The following UBE2E2 variants were observed in gnomAD, a reference collection of about 807,000 sequenced individuals.
UBE2E2 encodes the protein ubiquitin conjugating enzyme E2 E2.
UBE2E2 carries 6 observed loss-of-function variants against 24.7 expected under a neutral mutation model. The ratio of observed to expected loss-of-function variants is 0.24; its 90% confidence interval spans 0.13 to 0.48. The LOEUF (loss-of-function observed/expected upper bound fraction) is 0.48. Among genes scored for constraint, UBE2E2 ranks in the 20% least tolerant of loss-of-function variants. The pLI is 0.99. For synonymous variants in UBE2E2, 104 were observed against 83.6 expected, an observed-to-expected ratio of 1.24 and a Z score of -1.33; for missense variants, 169 against 245.0, an observed-to-expected ratio of 0.69 and a Z score of 2.07.
chr3:23,564,098 C>G (rs1385008637), intron 5 of UBE2E2, among the ~76,000 whole-genome samples: 1 of 151,766 alleles, frequency 6.6e-6, no homozygotes, highest in Non-Finnish European at 1.5e-5. Flanking sequence ...GTTATTTAAG[C>G]AGGGAAAACA....
intron 3 of UBE2E2, among the ~76,000 whole-genome samples, chr3:23,254,651 A>T (rs1241914788): frequency 6.6e-6 from 1 of 152,166 alleles, no homozygotes; most frequent in Non-Finnish European, 1.5e-5. Flanking sequence ...GTGTTGTTCT[A>T]ATGGAAATTA....
intron 3 of UBE2E2, among the ~76,000 whole-genome samples, chr3:23,271,657 G>GT (rs924382958): frequency 2.6e-5 from 4 of 152,148 alleles, no homozygotes; most frequent in Admixed American, 2.6e-4. Context: ...GCTGATTGGT[G>GT]TATTTACAAT....
chr3:23,484,505 C>G (rs771150838), intron 3 of UBE2E2, among the ~76,000 whole-genome samples: 1 of 152,046 alleles, frequency 6.6e-6, no homozygotes, highest in Admixed American at 6.6e-5. Flanking sequence ...GGAACAAATA[C>G]GTCTTACCTT....
chr3:23,427,984 G>C (rs1198349335), intron 3 of UBE2E2, among the ~76,000 whole-genome samples: 1 of 152,166 alleles, frequency 6.6e-6, no homozygotes, highest in Non-Finnish European at 1.5e-5. Context: ...AGAGACTTCA[G>C]GACCCCCTCT....
intron 5 of UBE2E2, among the ~76,000 whole-genome samples, chr3:23,547,980 C>T (rs1009252202): frequency 3.3e-5 from 5 of 152,092 alleles, no homozygotes; most frequent in African/African-American, 7.2e-5. Context: ...GTGTGAATAC[C>T]GGAGGGAAGA....
At chr3:23,233,108 G>T (rs1334793771) in intron 3 of UBE2E2, among the ~76,000 whole-genome samples, 1 of 152,204 alleles carries the variant, frequency 6.6e-6, no homozygotes, top group African/African-American at 2.4e-5. Context: ...GACTGTAGGG[G>T]TGCAGTGGAG....
chr3:23,227,654 T>A (rs931107404), intron 3 of UBE2E2, among the ~76,000 whole-genome samples: 3 of 152,194 alleles, frequency 2.0e-5, no homozygotes, highest in African/African-American at 4.8e-5. Flanking sequence ...TGGATAGACT[T>A]TTTGAAGACA....
At chr3:23,247,541 A>T (rs1006627679) in intron 3 of UBE2E2, among the ~76,000 whole-genome samples, 3 of 152,052 alleles carry the variant, frequency 2.0e-5, no homozygotes, top group Non-Finnish European at 4.4e-5. Flanking sequence ...TTTCAGTAGG[A>T]CGGGGTTTCT....
chr3:23,335,947 G>A lies in UBE2E2; in HGVS notation c.227+118635G>A, dbSNP rs562539949. On this transcript the variant is annotated intron_variant, in intron 3 of 5. Coordinates refer to ENST00000396703, the MANE Select transcript of UBE2E2 (RefSeq NM_152653.4). ...AAAATACTGATAACATAATAAGTAGGGTAAGCCTCCCCAGTGCCTCAAAAT... is the reference window on the plus strand; with the variant it reads ...AAAATACTGATAACATAATAAGTAGAGTAAGCCTCCCCAGTGCCTCAAAAT... Among the ~76,000 whole-genome samples the A allele has an allele frequency of 9.9e-5, 15 of 152,186 alleles. No individual in the cohort carries two copies. In the East Asian group the frequency reaches 2.5e-3, roughly 25 times the overall value.
At chr3:23,320,269 T>G (rs1380479151) in intron 3 of UBE2E2, among the ~76,000 whole-genome samples, 1 of 152,230 alleles carries the variant, frequency 6.6e-6, no homozygotes, top group African/African-American at 2.4e-5. Context: ...TGTTATTATC[T>G]CCAACTGGAT....
chr3:23,302,110 T>C (rs1417826761), intron 3 of UBE2E2, among the ~76,000 whole-genome samples: 2 of 152,162 alleles, frequency 1.3e-5, no homozygotes, highest in East Asian at 1.9e-4. Flanking sequence ...TTCTTGAGGC[T>C]TGGGCTCTCC....
chr3:23,385,876 C>G (rs938009399), intron 3 of UBE2E2, among the ~76,000 whole-genome samples: 2 of 152,172 alleles, frequency 1.3e-5, no homozygotes, highest in African/African-American at 4.8e-5. Flanking sequence ...ACAGCTTAGC[C>G]TGATACATAA....
intron 3 of UBE2E2, among the ~76,000 whole-genome samples, chr3:23,445,279 T>C (rs1471474507): frequency 1.3e-5 from 2 of 152,190 alleles, no homozygotes; most frequent in African/African-American, 4.8e-5. Flanking sequence ...GTTGACATGC[T>C]CCATTTTGGT....
At chr3:23,445,837 C>A (rs1232401357) in intron 3 of UBE2E2, among the ~76,000 whole-genome samples, 2 of 152,122 alleles carry the variant, frequency 1.3e-5, no homozygotes, top group Admixed American at 6.5e-5. Flanking sequence ...CATGCAAATT[C>A]TCTTAGGGCC....
intron 5 of UBE2E2, among the ~76,000 whole-genome samples, chr3:23,544,494 A>G (rs1178070656): frequency 6.6e-6 from 1 of 152,258 alleles, no homozygotes; most frequent in Non-Finnish European, 1.5e-5. Flanking sequence ...TTCAAGCTAC[A>G]ATGAAATTCA....
intron 3 of UBE2E2, among the ~76,000 whole-genome samples, chr3:23,441,391 T>A (rs1698300130): frequency 7.6e-6 from 1 of 132,406 alleles, no homozygotes; most frequent in Admixed American, 7.3e-5. Flanking sequence ...AAAAAAAAAT[T>A]AGCTGGGCAT....
chr3:23,420,077 A>G (rs112218011), intron 3 of UBE2E2, among the ~76,000 whole-genome samples: 167 of 152,344 alleles, frequency 1.1e-3, no homozygotes, highest in African/African-American at 3.7e-3. Context: ...GAGAGAGTCT[A>G]TCATGAAAAA....
chr3:23,312,401 A>G (rs1027332514), intron 3 of UBE2E2, among the ~76,000 whole-genome samples: 1 of 151,984 alleles, frequency 6.6e-6, no homozygotes, highest in Non-Finnish European at 1.5e-5. Context: ...CAATCCAGTT[A>G]TACTCCTTCA....
At chr3:23,268,770 G>T (rs956876997) in intron 3 of UBE2E2, among the ~76,000 whole-genome samples, 1 of 148,904 alleles carries the variant, frequency 6.7e-6, no homozygotes, top group Non-Finnish European at 1.5e-5. Flanking sequence ...AAAGAACGAA[G>T]CTGGAGGCAT....
Sources: allele counts gnomAD v4.1 joint callset (sites outside exome capture counted in the v4.1 genomes callset), GRCh38; gene constraint gnomAD v4.1.1; transcripts MANE v1.5; gene names NCBI Gene and HGNC (gene_info 2026-07-23, HGNC 2026-07-21).